The following S1PR4 variants were observed in gnomAD, a reference collection of about 807,000 sequenced individuals.
The protein encoded by S1PR4 is sphingosine 1-phosphate receptor 4.
S1PR4 carries 1 observed loss-of-function variant against 0.4 expected under a neutral mutation model. That is an observed-to-expected ratio of 2.48 (90% CI 0.88 to 11.76). The LOEUF is 11.76. Among genes scored for constraint, S1PR4 ranks in the 30% most tolerant of loss-of-function variants. The pLI is 0.12. For synonymous variants in S1PR4, 296 were observed against 266.7 expected, an observed-to-expected ratio of 1.11 and a Z score of -1.07; for missense variants, 595 against 557.8, an observed-to-expected ratio of 1.07 and a Z score of -0.67.
In S1PR4 at chr19:3,179,434, C is replaced by A. The variant is rs760646337; in HGVS notation, c.642C>A (p.Gly214=). ...YILFCLVIFA[G]VLATIMGLYG... is the part of the protein sequence containing the mutation. ...TCTTCTGCCTGGTGATCTTCGCCGGCGTCCTGGCCACCATCATGGGCCTCT... is the reference window on the plus strand; with the variant it reads ...TCTTCTGCCTGGTGATCTTCGCCGGAGTCCTGGCCACCATCATGGGCCTCT... Residue 214 remains glycine, a synonymous_variant, in exon 1 of 1, where the codon GGC becomes GGA. Transcript: ENST00000246115. 1 of 1,613,272 alleles carries A rather than the reference C, an allele frequency of 6.2e-7. No individual in the cohort carries two copies. Among genetic ancestry groups the A allele is most frequent in the South Asian group, 1.1e-5 (1 of 91,088 alleles).
In S1PR4 at chr19:3,180,071, C is replaced by A. The variant is rs1341699837; in HGVS notation, c.*124C>A. On this transcript the variant is annotated 3_prime_UTR_variant, in exon 1 of 1. Transcript: ENST00000246115. ...GGGGAGCAGGGAACGGGACAGGCCC[C>A]CATGGTCTTCCCGGTGGCCTCTCGG... The A allele has an allele frequency of 1.1e-6, 1 of 925,376 alleles. No homozygotes were observed. The highest frequency in any genetic ancestry group is 1.7e-5 in the African/African-American group (1 of 57,974). 57.3% of individuals were successfully genotyped at this position (925,376 alleles called of 1,614,324 possible). A position where few individuals can be genotyped will look rare whatever the true frequency, so the allele number is the denominator to read the frequency against.
rs1599340906 is a variant in S1PR4 at position 3,179,422 on chromosome 19, G to T, written c.630G>T (p.Val210=). 2 of 1,613,310 alleles carry T rather than the reference G, an allele frequency of 1.2e-6. No homozygotes were observed. ...YSKRYILFCL[V]IFAGVLATIM... ...AGCGCTACATCCTCTTCTGCCTGGT[G>T]ATCTTCGCCGGCGTCCTGGCCACCA... The change falls in exon 1 of 1, where the codon GTG becomes GTT. Residue 210 remains valine (V), a synonymous_variant. Transcript: ENST00000246115.
At position 3,179,357 on chromosome 19, in the gene S1PR4, G is replaced by A. The variant is rs3826936; in HGVS notation, c.565G>A (p.Ala189Thr). The A allele has an allele frequency of 1.6e-4, 256 of 1,612,994 alleles. 1 individual carries two copies. Among genetic ancestry groups the A allele is most frequent in the South Asian group, 1.8e-4 (16 of 91,084 alleles). ...TTTGCTGGGCTGGAACTGCCTGTGC[G>A]CCTTTGACCGCTGCTCCAGCCTTCT... ...LPLLGWNCLC[A>T]FDRCSSLLPL... Residue 189 changes from alanine (A) to threonine (T), a missense_variant, in exon 1 of 1, where the codon GCC becomes ACC. By Grantham distance (58) the Ala-to-Thr change is moderately conservative. Coordinates refer to ENST00000246115, the MANE Select transcript of S1PR4 (RefSeq NM_003775.4).
At position 3,179,015 on chromosome 19, in the gene S1PR4, A is replaced by G. The variant is rs754681997; in HGVS notation, c.223A>G (p.Met75Val). ...LLVLAAITSHMRSRRWVYYCL... is the reference protein window; with the variant it reads ...LLVLAAITSHVRSRRWVYYCL... ...GGTGCTGGCGGCCATCACCAGCCAC[A>G]TGCGGTCGCGACGCTGGGTCTACTA... The change falls in exon 1 of 1, where the codon ATG becomes GTG. Residue 75 changes from methionine to valine, a missense_variant. Physicochemically the swap from Met to Val is conservative, Grantham distance 21 (BLOSUM62 1). Coordinates refer to ENST00000246115, the MANE Select transcript of S1PR4 (RefSeq NM_003775.4). The G allele has an allele frequency of 2.5e-6, 4 of 1,598,432 alleles. No individual in the cohort carries two copies. The African/African-American group carries it at 4.0e-5, about 16-fold the overall frequency.
rs770488747 is a variant in S1PR4 at position 3,179,118 on chromosome 19, G to A, written c.326G>A (p.Arg109His). 121 of 1,611,402 alleles carry A rather than the reference G, an allele frequency of 7.5e-5. No individual in the cohort carries two copies. Among genetic ancestry groups the A allele is most frequent in the Middle Eastern group, 1.6e-4 (1 of 6,070 alleles). The change falls in exon 1 of 1, where the codon CGC (arginine) becomes CAC (histidine). Residue 109 changes from arginine (R) to histidine (H), a missense_variant. Coordinates refer to ENST00000246115, the MANE Select transcript of S1PR4 (RefSeq NM_003775.4). ...GCCAACGTGCTGCTGTCGGGGGCCC[G>A]CACCTTCCGTCTGGCGCCCGCCCAG... ...YLANVLLSGA[R>H]TFRLAPAQWF...
rs201636409 is a variant in S1PR4, at chr19:3,179,681, G to A, written c.889G>A (p.Val297Ile). 8.4e-5 allele frequency: 135 copies of A among 1,613,438 alleles called. No individual in the cohort carries two copies. The highest frequency in any genetic ancestry group is 4.5e-4 in the African/African-American group (34 of 75,060). The change falls in exon 1 of 1, where the codon GTC becomes ATC. Residue 297 changes from valine (V) to isoleucine (I), a missense_variant. Physicochemically the swap from Val to Ile is conservative, Grantham distance 29. Coordinates refer to ENST00000246115, the MANE Select transcript of S1PR4 (RefSeq NM_003775.4). ...CATGGACTGGATCCTGGCCCTGGCCGTCCTCAACTCGGCGGTCAACCCCAT... is the reference window on the plus strand; with the variant it reads ...CATGGACTGGATCCTGGCCCTGGCCATCCTCAACTCGGCGGTCAACCCCAT... ...RGMDWILALA[V>I]LNSAVNPIIY...
rs1459124513 is a variant in S1PR4, at chr19:3,179,627, A to C, written c.835A>C (p.Asn279His). Residue 279 changes from asparagine to histidine, a missense_variant, in exon 1 of 1, where the codon AAC becomes CAC. Transcript: ENST00000246115. The stretch of plus-strand genomic sequence containing the variant: ...GCTGCTGGCCGACGTCTTTGGCTCC[A>C]ACCTCTGGGCCCAGGAGTACCTGCG... ...GLLLADVFGS[N>H]LWAQEYLRGM... 6.2e-7 allele frequency: 1 copy of C among 1,612,958 alleles called. No homozygotes were observed. Among genetic ancestry groups the C allele is most frequent in the Non-Finnish European group, 8.5e-7 (1 of 1,179,806 alleles).
chr19:3,179,590 A>C lies in S1PR4; in HGVS notation c.798A>C (p.Pro266=), dbSNP rs1394985120. The C allele has an allele frequency of 6.2e-7, 1 of 1,612,104 alleles. No homozygotes were observed. ...TGGCCTTCCTGGTGTGCTGGGGCCC[A>C]CTCTTCGGGCTGCTGCTGGCCGACG... ...ILLAFLVCWG[P]LFGLLLADVF... The change falls in exon 1 of 1, where the codon CCA becomes CCC. Residue 266 remains proline (P), a synonymous_variant. Coordinates refer to ENST00000246115, the MANE Select transcript of S1PR4 (RefSeq NM_003775.4).
Position 3,180,102 on chromosome 19 carries a change from C to T in S1PR4, c.*155C>T, listed in dbSNP as rs767502318. ...TCTTCCCGGTGGCCTCTCGGGGCTTCTGACGCCAAATGGGCTTCCCATGGT... is the reference window on the plus strand; with the variant it reads ...TCTTCCCGGTGGCCTCTCGGGGCTTTTGACGCCAAATGGGCTTCCCATGGT... On this transcript the variant is annotated 3_prime_UTR_variant, in exon 1 of 1. Coordinates refer to ENST00000246115, the MANE Select transcript of S1PR4 (RefSeq NM_003775.4). 2 of 654,908 alleles carry T rather than the reference C, an allele frequency of 3.1e-6. No homozygotes were observed. The highest frequency in any genetic ancestry group is 4.8e-6 in the Non-Finnish European group (2 of 418,056). 40.6% of individuals were successfully genotyped at this position (654,908 alleles called of 1,614,324 possible). A position where few individuals can be genotyped will look rare whatever the true frequency, so the allele number is the denominator to read the frequency against.
Position 3,179,197 on chromosome 19 carries a change from C to G in S1PR4, c.405C>G (p.Ser135Arg). ...LFTALAASTFSLLFTAGERFA... is the reference protein window; with the variant it reads ...LFTALAASTFRLLFTAGERFA... ...CCGCCCTGGCCGCCTCCACCTTCAGCCTGCTCTTCACTGCAGGGGAGCGCT... is the reference window on the plus strand; with the variant it reads ...CCGCCCTGGCCGCCTCCACCTTCAGGCTGCTCTTCACTGCAGGGGAGCGCT... Residue 135 changes from serine to arginine, a missense_variant, in exon 1 of 1, where the codon AGC becomes AGG. Physicochemically the swap from Ser to Arg is moderately radical, Grantham distance 110. Coordinates refer to ENST00000246115, the MANE Select transcript of S1PR4 (RefSeq NM_003775.4). 6.2e-7 allele frequency: 1 copy of G among 1,608,420 alleles called. No individual in the cohort carries two copies. The highest frequency in any genetic ancestry group is 8.5e-7 in the Non-Finnish European group (1 of 1,177,318).
At position 3,178,805 on chromosome 19, in the gene S1PR4, G is replaced by A; in HGVS notation, c.13G>A (p.Gly5Arg). Residue 5 changes from glycine to arginine, a missense_variant, in exon 1 of 1, where the codon GGG (glycine) becomes AGG (arginine). Gly to Arg is a moderately radical substitution (Grantham distance 125). Transcript: ENST00000246115. MNAT[G>R]TPVAPESCQQ... is the part of the protein sequence containing the mutation. ...CCCGGGGGAGGCCATGAACGCCACG[G>A]GGACCCCGGTGGCCCCCGAGTCCTG... The A allele has an allele frequency of 6.6e-7, 1 of 1,505,032 alleles. No homozygotes were observed. The highest frequency in any genetic ancestry group is 2.5e-5 in the East Asian group (1 of 39,546). The allele number at this position is 1,505,032 out of a possible 1,614,324, so 93.2% of individuals were successfully genotyped here. A position where few individuals can be genotyped will look rare whatever the true frequency, so the allele number is the denominator to read the frequency against.
Position 3,179,206 on chromosome 19 carries a change from C to T in S1PR4, c.414C>T (p.Phe138=). ...ALAASTFSLL[F]TAGERFATMV... ...CCGCCTCCACCTTCAGCCTGCTCTT[C>T]ACTGCAGGGGAGCGCTTTGCCACCA... The change falls in exon 1 of 1, where the codon TTC becomes TTT. Residue 138 remains phenylalanine, a synonymous_variant. Transcript: ENST00000246115. 6.2e-7 allele frequency: 1 copy of T among 1,606,898 alleles called. No homozygotes were observed. The highest frequency in any genetic ancestry group is 1.1e-5 in the South Asian group (1 of 90,240).
rs771081397 is a variant in S1PR4, at chr19:3,179,564, C to A, written c.772C>A (p.Leu258Met). 12 of 1,613,026 alleles carry A rather than the reference C, an allele frequency of 7.4e-6. No homozygotes were observed. The highest frequency in any genetic ancestry group is 1.0e-5 in the Non-Finnish European group (12 of 1,179,848). The change falls in exon 1 of 1, where the codon CTG becomes ATG. Residue 258 changes from leucine to methionine, a missense_variant. Leu to Met is a conservative substitution (Grantham distance 15). Transcript: ENST00000246115. ...GCTGAAGACGGTGCTGATGATCCTGCTGGCCTTCCTGGTGTGCTGGGGCCC... is the reference window on the plus strand; with the variant it reads ...GCTGAAGACGGTGCTGATGATCCTGATGGCCTTCCTGGTGTGCTGGGGCCC... ...RLLKTVLMIL[L>M]AFLVCWGPLF...
rs530972842 is a variant in S1PR4, at chr19:3,178,967, C to T, written c.175C>T (p.Leu59=). ...GGGGCTGTCGGTGGCCGCCAGCTGC[C>T]TGGTGGTGCTGGAGAACTTGCTGGT... ...LRGLSVAASC[L]VVLENLLVLA... Residue 59 remains leucine, a synonymous_variant, in exon 1 of 1, where the codon CTG becomes TTG. Transcript: ENST00000246115. 269 of 1,561,454 alleles carry T rather than the reference C, an allele frequency of 1.7e-4. 4 individuals are homozygous for T. In the South Asian group the frequency reaches 2.8e-3, roughly 16 times the overall value.
In S1PR4 at chr19:3,180,178, A is replaced by C; in HGVS notation, c.*231A>C. On this transcript the variant is annotated 3_prime_UTR_variant, in exon 1 of 1. Coordinates refer to ENST00000246115, the MANE Select transcript of S1PR4 (RefSeq NM_003775.4). ...CCACCTCCCCGTAGGAGCAGAGAGC[A>C]CCCTGGTGTGGGGGCGAGTGGGTTC... is the stretch of plus-strand genomic sequence containing the variant. 1 of 443,104 alleles carries C rather than the reference A, an allele frequency of 2.3e-6. No individual in the cohort carries two copies. The highest frequency in any genetic ancestry group is 4.1e-6 in the Non-Finnish European group (1 of 244,384). 27.4% of individuals were successfully genotyped at this position (443,104 alleles called of 1,614,324 possible).
chr19:3,179,797 G>C lies in S1PR4; in HGVS notation c.1005G>C (p.Gly335=). ...GCLRLGMRGP[G]DCLARAVEAH... ...TCCGGCTGGGCATGCGAGGGCCCGGGGACTGCCTGGCCCGGGCCGTCGAGG... is the reference window on the plus strand; with the variant it reads ...TCCGGCTGGGCATGCGAGGGCCCGGCGACTGCCTGGCCCGGGCCGTCGAGG... The change falls in exon 1 of 1, where the codon GGG becomes GGC. Residue 335 remains glycine (G), a synonymous_variant. Transcript: ENST00000246115. 6.2e-7 allele frequency: 1 copy of C among 1,603,818 alleles called. No homozygotes were observed. Among genetic ancestry groups the C allele is most frequent in the South Asian group, 1.1e-5 (1 of 90,450 alleles).
Position 3,178,815 on chromosome 19 carries a change from T to G in S1PR4, c.23T>G (p.Val8Gly). 6.6e-7 allele frequency: 1 copy of G among 1,521,052 alleles called. No individual in the cohort carries two copies. The highest frequency in any genetic ancestry group is 8.8e-7 in the Non-Finnish European group (1 of 1,141,518). 94.2% of individuals were successfully genotyped at this position (1,521,052 alleles called of 1,614,324 possible). A position where few individuals can be genotyped will look rare whatever the true frequency, so the allele number is the denominator to read the frequency against. ...GCCATGAACGCCACGGGGACCCCGG[T>G]GGCCCCCGAGTCCTGCCAACAGCTG... MNATGTP[V>G]APESCQQLAA... The change falls in exon 1 of 1, where the codon GTG becomes GGG. Residue 8 changes from valine to glycine, a missense_variant. Coordinates refer to ENST00000246115, the MANE Select transcript of S1PR4 (RefSeq NM_003775.4).
rs957575769 is a variant in S1PR4, at chr19:3,180,298, G to A, written c.*351G>A. The A allele has an allele frequency of 2.9e-5, 8 of 277,754 alleles. No individual in the cohort carries two copies. The highest frequency in any genetic ancestry group is 5.7e-5 in the Non-Finnish European group (8 of 139,336). 17.2% of individuals were successfully genotyped at this position (277,754 alleles called of 1,614,324 possible). A position where few individuals can be genotyped will look rare whatever the true frequency, so the allele number is the denominator to read the frequency against. On this transcript the variant is annotated 3_prime_UTR_variant, in exon 1 of 1. Transcript: ENST00000246115. ...GGCTGCAAGGGGTGGACTGTGGGAT[G>A]CATGCCCTGGCAACATTGAAGTTCG...
Position 3,180,052 on chromosome 19 carries a change from C to G in S1PR4, c.*105C>G, listed in dbSNP as rs755174304. The stretch of plus-strand genomic sequence containing the variant: ...CACGCAGCCTCGCCTGTATGGGGAG[C>G]AGGGAACGGGACAGGCCCCCATGGT... On this transcript the variant is annotated 3_prime_UTR_variant, in exon 1 of 1. Coordinates refer to ENST00000246115, the MANE Select transcript of S1PR4 (RefSeq NM_003775.4). The G allele has an allele frequency of 1.1e-4, 126 of 1,159,506 alleles. No individual in the cohort carries two copies. The highest frequency in any genetic ancestry group is 2.3e-4 in the Middle Eastern group (1 of 4,294). 71.8% of individuals were successfully genotyped at this position (1,159,506 alleles called of 1,614,324 possible). A position where few individuals can be genotyped will look rare whatever the true frequency, so the allele number is the denominator to read the frequency against.
Sources: allele counts gnomAD v4.1 joint callset, GRCh38; gene constraint gnomAD v4.1.1; transcripts MANE v1.5; gene names NCBI Gene and HGNC (gene_info 2026-07-23, HGNC 2026-07-21).